SHLD2: variants seen among roughly 807,000 people sequenced by gnomAD.
SHLD2 encodes RINN1-REV7-interacting novel NHEJ regulator 2.
In SHLD2, 30 loss-of-function variants were observed where a neutral mutation model predicts 73.2. The ratio of observed to expected loss-of-function variants is 0.41; its 90% CI spans 0.31 to 0.56. SHLD2 has a LOEUF of 0.56. Among genes scored for constraint, SHLD2 ranks in the 20% least tolerant of loss-of-function variants. The pLI is 0.28. For synonymous variants in SHLD2, 285 were observed against 370.1 expected (o/e 0.77, Z 2.64); for missense variants, 745 against 1,055.9 (o/e 0.71, Z 4.08).
At position 87,190,718 on chromosome 10, in the gene SHLD2, G is replaced by T; in HGVS notation, c.*35G>T. 3 of 1,513,314 alleles carry T rather than the reference G, an allele frequency of 2.0e-6. No homozygotes were observed. The highest frequency in any genetic ancestry group is 2.3e-5 in the South Asian group (2 of 88,860). 93.7% of individuals were successfully genotyped at this position (1,513,314 alleles called of 1,614,324 possible). ...AAGAAATTGCAGGCATTTCAAGGAA[G>T]AAGTACTGAAATGATTTGTCTTTTG... On this transcript the variant is annotated 3_prime_UTR_variant, in exon 10 of 10. Transcript: ENST00000298786.
chr10:87,136,772 A>G (rs1431264609), intron 2 of SHLD2, among the ~76,000 whole-genome samples: 2 of 152,006 alleles, frequency 1.3e-5, no homozygotes, highest in Non-Finnish European at 2.9e-5. Flanking sequence ...CATGTAAGGT[A>G]CTCCCACAGT....
At chr10:87,128,046 T>C (rs1324356902) in intron 2 of SHLD2, among the ~76,000 whole-genome samples, 1 of 152,218 alleles carries the variant, frequency 6.6e-6, no homozygotes, top group African/African-American at 2.4e-5. Context: ...ATTTCCCATA[T>C]TCCATATTTT....
At chr10:87,185,985 AG>A (rs1274646286) in intron 8 of SHLD2, among the ~76,000 whole-genome samples, 2 of 152,162 alleles carry the variant, frequency 1.3e-5, no homozygotes, top group Admixed American at 6.6e-5. Flanking sequence ...CTGGGATTAC[AG>A]GCATGAGCCA....
At chr10:87,146,311 C>T (rs3129365) in intron 2 of SHLD2, among the ~76,000 whole-genome samples, 48,328 of 151,666 alleles carry the variant, frequency 0.32, 8,448 homozygotes, top group East Asian at 0.74. Flanking sequence ...GATTTTTTTT[C>T]GAGACAGAGT....
chr10:87,142,922 C>CTTTTTTTTTTTTTTT (rs71269253), intron 2 of SHLD2, among the ~76,000 whole-genome samples: 2 of 83,172 alleles, frequency 2.4e-5, no homozygotes, highest in African/African-American at 1.1e-4. Flanking sequence ...TTTATTTTTA[C>CTTTTTTTTTTTTTTT]TTTTTTTTTT....
intron 2 of SHLD2, among the ~76,000 whole-genome samples, chr10:87,119,777 C>CA (rs35259056): frequency 0.18 from 23,537 of 128,274 alleles, 2,268 homozygotes; most frequent in Admixed American, 0.27. Context: ...GACTCTGTCT[C>CA]AAAAAAAAAA....
intron 2 of SHLD2, among the ~76,000 whole-genome samples, chr10:87,144,937 C>CTTTTTT (rs1178507966): frequency 1.4e-5 from 1 of 72,028 alleles, no homozygotes. Flanking sequence ...GCCTGTAATT[C>CTTTTTT]TTTTTTTTTT....
intron 2 of SHLD2, among the ~76,000 whole-genome samples, chr10:87,119,629 G>A (rs3127914): frequency 1.2e-4 from 18 of 152,114 alleles, no homozygotes; most frequent in Middle Eastern, 3.4e-3. Context: ...CCATGGTGGC[G>A]CGCACCTGTA....
chr10:87,106,611 TG>T (rs1842612552), intron 2 of SHLD2, among the ~76,000 whole-genome samples: 1 of 152,242 alleles, frequency 6.6e-6, no homozygotes. Context: ...GTTTTCATGT[TG>T]TCGTGTTTAC....
chr10:87,177,978 A>G (rs575881035), intron 7 of SHLD2, among the ~76,000 whole-genome samples: 51 of 152,182 alleles, frequency 3.4e-4, no homozygotes, highest in Admixed American at 9.2e-4. Context: ...GCTCATGCCT[A>G]TAATTCCAGC....
chr10:87,147,870 CTT>C (rs1187680597), intron 2 of SHLD2, among the ~76,000 whole-genome samples: 19 of 143,564 alleles, frequency 1.3e-4, no homozygotes, highest in East Asian at 2.0e-4. Context: ...GCTCCTATCA[CTT>C]TTTTTTTTTT....
Position 87,170,606 on chromosome 10 carries a change from G to T in SHLD2, c.1762G>T (p.Glu588Ter). 6.2e-7 allele frequency: 1 copy of T among 1,613,548 alleles called. No individual in the cohort carries two copies. Reference sequence around the variant, plus strand: ...GAACAGTATAGACTTTGTAGAATTGGAGCACCTTCAACCTGATGTATTAGT... The same window carrying T: ...GAACAGTATAGACTTTGTAGAATTGTAGCACCTTCAACCTGATGTATTAGT... ...RVNSIDFVEL[E>*]HLQPDVLVHA... is the part of the protein sequence containing the mutation. Residue 588 changes from glutamate (E) to a stop codon, truncating the protein, a stop_gained, in exon 5 of 10, where the codon GAG becomes TAG. Coordinates refer to ENST00000298786, the MANE Select transcript of SHLD2 (RefSeq NM_001330112.2). LOFTEE classifies it high-confidence loss of function.
intron 2 of SHLD2, among the ~76,000 whole-genome samples, chr10:87,132,177 AT>A (rs1324271355): frequency 6.6e-5 from 10 of 151,914 alleles, no homozygotes; most frequent in African/African-American, 2.4e-4. Flanking sequence ...TTACTTTTTT[AT>A]TTTTGATCCT....
At chr10:87,109,819 G>A (rs916411806) in intron 2 of SHLD2, among the ~76,000 whole-genome samples, 4 of 152,180 alleles carry the variant, frequency 2.6e-5, no homozygotes, top group African/African-American at 9.7e-5. Flanking sequence ...TTTGGTTGGT[G>A]ATAGTTAAAA....
At chr10:87,182,303 T>C (rs1848364680) in intron 8 of SHLD2, among the ~76,000 whole-genome samples, 1 of 152,248 alleles carries the variant, frequency 6.6e-6, no homozygotes, top group Non-Finnish European at 1.5e-5. Context: ...GTGGATGTTA[T>C]ACTAGTTGAC....
At chr10:87,095,548 C>T (rs1377459021) in intron 1 of SHLD2, among the ~76,000 whole-genome samples, 1 of 152,186 alleles carries the variant, frequency 6.6e-6, no homozygotes, top group Non-Finnish European at 1.5e-5. Flanking sequence ...CCGCGTAAGG[C>T]CGGGCTGAGG....
chr10:87,172,758 A>C (rs986898490), intron 6 of SHLD2, among the ~76,000 whole-genome samples: 3 of 151,968 alleles, frequency 2.0e-5, no homozygotes, highest in African/African-American at 7.2e-5. Context: ...TAATACATAA[A>C]AATTTTCAAG....
intron 2 of SHLD2, among the ~76,000 whole-genome samples, chr10:87,148,261 T>A (rs1320902870): frequency 6.6e-6 from 1 of 152,226 alleles, no homozygotes; most frequent in African/African-American, 2.4e-5. Flanking sequence ...GCCCAGCACG[T>A]AATGTTGAAT....
intron 2 of SHLD2, 63 bp downstream of exon 2, chr10:87,097,052 C>T (rs190100655): frequency 6.6e-6 from 1 of 152,276 alleles, no homozygotes; most frequent in African/African-American, 2.4e-5. Context: ...CAATCCCCCA[C>T]TCCTGCAAAA....
Sources: allele counts gnomAD v4.1 joint callset (sites outside exome capture counted in the v4.1 genomes callset), GRCh38; gene constraint gnomAD v4.1.1; transcripts MANE v1.5; gene names NCBI Gene and HGNC (gene_info 2026-07-23, HGNC 2026-07-21).